Variants in COL1A2 observed in about 807,000 individuals in gnomAD.
The protein encoded by COL1A2 is collagen alpha-2(I) chain.
Under a neutral mutation model 174.3 loss-of-function variants are expected in COL1A2, and 49 were observed. The observed-to-expected ratio is 0.28, with a 90% CI of 0.22 to 0.36. The LOEUF (loss-of-function observed/expected upper bound fraction) is 0.36. COL1A2 is among the 10% of genes least tolerant of loss of function. COL1A2 has a pLI of 1.00. For missense variants in COL1A2, 1,438 were observed against 1,822.7 expected (o/e 0.79, Z 3.84); for synonymous variants, 655 against 606.6 (o/e 1.08, Z -1.17).
intron 32 of COL1A2, 85 bp from the exon 33 acceptor site, chr7:94,418,414 T>C (rs545195353): frequency 3.6e-6 from 4 of 1,125,354 alleles, no homozygotes; most frequent in East Asian, 4.8e-5. Context: ...TAGCATCTTC[T>C]GTAAAAAAGA....
intron 4 of COL1A2, 117 bp from the exon 5 acceptor site, chr7:94,400,079 T>A: frequency 2.2e-6 from 2 of 919,118 alleles, no homozygotes; most frequent in Non-Finnish European, 1.8e-6. Context: ...ATATAGTATA[T>A]TAAATTTCCA....
At chr7:94,407,642 G>A (rs535432861) in intron 12 of COL1A2, among the ~76,000 whole-genome samples, 77 of 152,210 alleles carry the variant, frequency 5.1e-4, no homozygotes, top group Non-Finnish European at 9.9e-4. Flanking sequence ...TTAGAACCTG[G>A]ATATGTGGTA....
intron 32 of COL1A2, among the ~76,000 whole-genome samples, 167 bp downstream of exon 32, chr7:94,417,998 A>G (rs1792077764): frequency 6.6e-6 from 1 of 152,204 alleles, no homozygotes; most frequent in Non-Finnish European, 1.5e-5. Context: ...TAAACTCACT[A>G]ATCTGGCAAA....
intron 49 of COL1A2, 57 bp from the exon 50 acceptor site, chr7:94,428,236 G>T: frequency 7.4e-7 from 1 of 1,346,358 alleles, no homozygotes; most frequent in South Asian, 1.2e-5. Flanking sequence ...GTTATTATTA[G>T]AATCTGTGTT....
chr7:94,395,519 A>G (rs1478269634), intron 1 of COL1A2: 2 of 334,656 alleles, frequency 6.0e-6, no homozygotes, highest in Admixed American at 4.4e-5. Context: ...AAGCCCTTCA[A>G]CTGAGTAATG....
intron 39 of COL1A2, 122 bp downstream of exon 39, chr7:94,422,074 G>A: frequency 1.3e-6 from 1 of 748,034 alleles, no homozygotes. Flanking sequence ...TACTCTCCTG[G>A]TCTGAAGTCA....
At chr7:94,399,574 CTA>C (rs1341090300) in intron 4 of COL1A2, among the ~76,000 whole-genome samples, 1 of 152,162 alleles carries the variant, frequency 6.6e-6, no homozygotes, top group Non-Finnish European at 1.5e-5. Context: ...ACATTTATAA[CTA>C]TGTGGTTTTG....
Position 94,417,738 on chromosome 7 carries a change from G to T in COL1A2, c.1878G>T (p.Val626=), listed in dbSNP as rs1800238. 0.025 allele frequency: 39,274 copies of T among 1,595,068 alleles called. 3,447 individuals are homozygous for T. The East Asian group carries it at 0.36, about 15-fold the overall frequency. ...GPDGNKGEPG[V]VGAVGTAGPS... is the part of the protein sequence containing the mutation. ...TTTGACTCAAGGGTGAACCTGGTGT[G>T]GTTGGTGCTGTGGGCACTGCTGGTC... is the stretch of plus-strand genomic sequence containing the variant. The change falls in exon 32 of 52, where the codon GTG becomes GTT. Residue 626 remains valine (V), a synonymous_variant. Transcript: ENST00000297268.
chr7:94,417,395 A>C, intron 31 of COL1A2: 1 of 360,052 alleles, frequency 2.8e-6, no homozygotes, highest in Non-Finnish European at 5.3e-6. Flanking sequence ...CTTATCCTTG[A>C]AAAATGTTTG....
At chr7:94,414,650 T>C (rs1791999742) in intron 29 of COL1A2, among the ~76,000 whole-genome samples, 1 of 152,190 alleles carries the variant, frequency 6.6e-6, no homozygotes, top group South Asian at 2.1e-4. Flanking sequence ...CTTTTGTGTT[T>C]TTCTTGGCAT....
chr7:94,407,786 C>G (rs759883262), intron 12 of COL1A2, 61 bp from the exon 13 acceptor site: 2 of 1,456,714 alleles, frequency 1.4e-6, no homozygotes, highest in Non-Finnish European at 1.9e-6. Context: ...AGTAAAATTG[C>G]ACTATCAGGA....
intron 40 of COL1A2, 60 bp from the exon 41 acceptor site, chr7:94,424,276 C>T (rs1056909164): frequency 7.0e-7 from 1 of 1,421,768 alleles, no homozygotes; most frequent in Non-Finnish European, 9.9e-7. Context: ...AATCTTCAAG[C>T]CAACCTGTGT....
intron 40 of COL1A2, chr7:94,424,047 G>A (rs1267382581): frequency 2.3e-5 from 9 of 392,950 alleles, no homozygotes; most frequent in Non-Finnish European, 9.6e-6. Flanking sequence ...CCTGCCTAGA[G>A]GCTATAAAAA....
chr7:94,430,361 T>C lies in COL1A2; in HGVS notation c.4069T>C (p.Phe1357Leu), dbSNP rs563552206. The C allele has an allele frequency of 1.9e-6, 3 of 1,614,092 alleles. No homozygotes were observed. Among genetic ancestry groups the C allele is most frequent in the East Asian group, 2.2e-5 (1 of 44,876 alleles). The change falls in exon 52 of 52, where the codon TTT becomes CTT. Residue 1357 changes from phenylalanine to leucine, a missense_variant. Around this residue, in one of 3 missense-constraint regions of COL1A2, gnomAD observed 290 missense variants for 298.1 expected, o/e 0.97. Coordinates refer to ENST00000297268, the MANE Select transcript of COL1A2 (RefSeq NM_000089.4). ...CATCGGTGGTGCTGACCAGGAATTCTTTGTGGACATTGGCCCAGTCTGTTT... is the reference window on the plus strand; with the variant it reads ...CATCGGTGGTGCTGACCAGGAATTCCTTGTGGACATTGGCCCAGTCTGTTT... The part of the protein sequence containing the change: ...LDIGGADQEF[F>L]VDIGPVCFK
rs1791756673 is a variant in COL1A2, at chr7:94,404,606, T to C, written c.324+6T>C. 2 of 1,613,900 alleles carry C rather than the reference T, an allele frequency of 1.2e-6. No individual in the cohort carries two copies. The highest frequency in any genetic ancestry group is 1.7e-5 in the Admixed American group (1 of 60,004). ...CTGGTGCAGCTGGAGCCCCAGTAAG[T>C]ACTGAAAGCTTGTAATGCCTCTTAT... is the stretch of plus-strand genomic sequence containing the variant. On this transcript the variant is annotated splice_donor_region_variant and intron_variant, in intron 7 of 51. Coordinates refer to ENST00000297268, the MANE Select transcript of COL1A2 (RefSeq NM_000089.4).
chr7:94,430,320 A>G lies in COL1A2; in HGVS notation c.4028A>G (p.Asp1343Gly), dbSNP rs1395182811. ...TNKPSRLPFL[D>G]IAPLDIGGAD... ...AAGCCATCACGCCTGCCCTTCCTTG[A>G]TATTGCACCTTTGGACATCGGTGGT... The change falls in exon 52 of 52, where the codon GAT becomes GGT. Residue 1343 changes from aspartate (D) to glycine (G), a missense_variant. Around this residue, in one of 3 missense-constraint regions of COL1A2, gnomAD observed 290 missense variants for 298.1 expected, o/e 0.97. Coordinates refer to ENST00000297268, the MANE Select transcript of COL1A2 (RefSeq NM_000089.4). The G allele has an allele frequency of 1.2e-6, 2 of 1,614,120 alleles. No individual in the cohort carries two copies. The highest frequency in any genetic ancestry group is 1.1e-5 in the South Asian group (1 of 91,078).
intron 39 of COL1A2, 45 bp from the exon 40 acceptor site, chr7:94,422,912 T>G: frequency 6.2e-7 from 1 of 1,611,760 alleles, no homozygotes; most frequent in Non-Finnish European, 8.5e-7. Flanking sequence ...TTCCAGGCCC[T>G]TGGTGATTAA....
chr7:94,427,111 C>T (rs770216997), intron 47 of COL1A2, 50 bp downstream of exon 47: 10 of 1,607,344 alleles, frequency 6.2e-6, no homozygotes, highest in Admixed American at 5.0e-5. Flanking sequence ...GAGGCTAAAG[C>T]GAGCAGTGAG....
intron 16 of COL1A2, 105 bp downstream of exon 16, chr7:94,408,928 C>A (rs1009535738): frequency 1.9e-6 from 2 of 1,065,384 alleles, no homozygotes; most frequent in African/African-American, 3.1e-5. Context: ...GAAACAGTTA[C>A]CTTAATTATT....
Sources: allele counts gnomAD v4.1 joint callset (sites outside exome capture counted in the v4.1 genomes callset), GRCh38; gene constraint gnomAD v4.1.1; regional missense constraint gnomAD v4.1.1; transcripts MANE v1.5; gene names NCBI Gene and HGNC (gene_info 2026-07-23, HGNC 2026-07-21).